Variants in SESTD1 observed in about 807,000 individuals in gnomAD.
SESTD1 encodes SEC14 and spectrin domain containing 1.
Under a neutral mutation model 101.7 loss-of-function variants are expected in SESTD1, and 43 were observed. The ratio of observed to expected loss-of-function variants is 0.42; its 90% CI spans 0.33 to 0.55. SESTD1 has a LOEUF of 0.55. Among genes scored for constraint, SESTD1 ranks in the 20% least tolerant of loss-of-function variants. The pLI is 0.07. For synonymous variants in SESTD1, 283 were observed against 286.8 expected (o/e 0.99, Z 0.13); for missense variants, 647 against 815.1 (o/e 0.79, Z 2.51).
chr2:179,176,449 T>C lies in SESTD1; in HGVS notation c.254A>G (p.Gln85Arg). Residue 85 changes from glutamine (Q) to arginine (R), a missense_variant and splice_region_variant, in exon 4 of 18, where the codon CAG becomes CGG. Physicochemically the swap from Gln to Arg is conservative, Grantham distance 43 (BLOSUM62 1). Coordinates refer to ENST00000428443, the MANE Select transcript of SESTD1 (RefSeq NM_178123.5). ...NVVKTVVVML[Q>R]NVVPAEVSLV... Reference sequence around the variant, plus strand: ...CCTGATAGACAAAACCAAAATTACCTGTAGCATTACGACTACTGTTTTCAC... The same window carrying C: ...CCTGATAGACAAAACCAAAATTACCCGTAGCATTACGACTACTGTTTTCAC... 1 of 1,612,342 alleles carries C rather than the reference T, an allele frequency of 6.2e-7. No individual in the cohort carries two copies. Among genetic ancestry groups the C allele is most frequent in the Non-Finnish European group, 8.5e-7 (1 of 1,179,016 alleles).
chr2:179,134,338 T>C (rs1214123319), intron 9 of SESTD1, among the ~76,000 whole-genome samples: 1 of 152,226 alleles, frequency 6.6e-6, no homozygotes, highest in Non-Finnish European at 1.5e-5. Context: ...GCTATTGTTA[T>C]TATAACATAA....
intron 5 of SESTD1, among the ~76,000 whole-genome samples, chr2:179,153,327 G>C (rs2045564808): frequency 6.6e-6 from 1 of 152,118 alleles, no homozygotes; most frequent in African/African-American, 2.4e-5. Flanking sequence ...GAGTGAGATG[G>C]GATATTATAA....
At chr2:179,138,870 C>CAAAAAAAAAAAAAA (rs61703699) in intron 9 of SESTD1, among the ~76,000 whole-genome samples, 1 of 65,538 alleles carries the variant, frequency 1.5e-5, no homozygotes, top group African/African-American at 4.4e-5. Flanking sequence ...AACCCTGTCT[C>CAAAAAAAAAAAAAA]AAAAAAAAAA....
At chr2:179,119,066 T>C (rs1191700294) in intron 13 of SESTD1, among the ~76,000 whole-genome samples, 1 of 152,202 alleles carries the variant, frequency 6.6e-6, no homozygotes, top group Non-Finnish European at 1.5e-5. Flanking sequence ...GATAAAATTA[T>C]GCAAGAATTG....
Position 179,103,240 on chromosome 2 carries a change from T to C in SESTD1, c.*6659A>G, listed in dbSNP as rs1316963214. The C allele has an allele frequency of 6.6e-6, 1 of 152,138 alleles. No individual in the cohort carries two copies. The highest frequency in any genetic ancestry group is 2.4e-5 in the African/African-American group (1 of 41,438). 9.4% of individuals were successfully genotyped at this position (152,138 alleles called of 1,614,324 possible). On this transcript the variant is annotated 3_prime_UTR_variant, in exon 18 of 18. Coordinates refer to ENST00000428443, the MANE Select transcript of SESTD1 (RefSeq NM_178123.5). ...TTTGCTTTCCTCAGATAGTTCCAAT[T>C]GTCATCCTTGACCATGAACAATGCC...
intron 2 of SESTD1, among the ~76,000 whole-genome samples, chr2:179,185,677 C>CATATTATATATAATATAGT (rs1231020815): frequency 2.0e-5 from 1 of 49,700 alleles, no homozygotes; most frequent in Non-Finnish European, 5.0e-5. Flanking sequence ...TATAATATAG[C>CATATTATATATAATATAGT]ATATTATATA....
intron 3 of SESTD1, among the ~76,000 whole-genome samples, chr2:179,178,827 C>A (rs536552099): frequency 5.0e-4 from 76 of 152,312 alleles, no homozygotes; most frequent in Non-Finnish European, 8.7e-4. Flanking sequence ...GCAGGTTACA[C>A]AACCGTTTTG....
intron 10 of SESTD1, among the ~76,000 whole-genome samples, chr2:179,130,410 C>T (rs962185266): frequency 6.6e-6 from 1 of 151,976 alleles, no homozygotes; most frequent in Non-Finnish European, 1.5e-5. Context: ...CACCCTTAAG[C>T]GATGTTTCTT....
intron 12 of SESTD1, among the ~76,000 whole-genome samples, chr2:179,122,368 T>C (rs1219938901): frequency 6.6e-6 from 1 of 152,188 alleles, no homozygotes; most frequent in African/African-American, 2.4e-5. Context: ...ACTCCAGCAA[T>C]GTATCATCAA....
chr2:179,150,112 C>A lies in SESTD1; in HGVS notation c.484-718G>T, dbSNP rs530049736. Among the ~76,000 whole-genome samples, 3 of 152,134 alleles carry A rather than the reference C, an allele frequency of 2.0e-5. No homozygotes were observed. In the South Asian group the frequency reaches 6.2e-4, roughly 32 times the overall value. ...TGGTGGCATGCACTTGCAGTCCCAA[C>A]GACTTGAGAGGCTGAGGTGGAAGGA... On this transcript the variant is annotated intron_variant, in intron 6 of 17. Transcript: ENST00000428443.
intron 13 of SESTD1, among the ~76,000 whole-genome samples, chr2:179,118,333 T>G (rs2044678668): frequency 6.6e-6 from 1 of 152,208 alleles, no homozygotes; most frequent in Non-Finnish European, 1.5e-5. Flanking sequence ...TGTGGTCTTT[T>G]TGGATAATAT....
intron 1 of SESTD1, among the ~76,000 whole-genome samples, chr2:179,223,778 T>G (rs17363603): frequency 6.6e-6 from 1 of 152,158 alleles, no homozygotes; most frequent in South Asian, 2.1e-4. Flanking sequence ...TAAGCAGTAT[T>G]GTTGATAACA....
At chr2:179,192,165 T>C (rs1347019536) in intron 1 of SESTD1, among the ~76,000 whole-genome samples, 1 of 152,180 alleles carries the variant, frequency 6.6e-6, no homozygotes, top group East Asian at 1.9e-4. Flanking sequence ...TGAGAATCAC[T>C]GGCTTAATTC....
At chr2:179,112,118 C>T (rs920013571) in intron 17 of SESTD1, among the ~76,000 whole-genome samples, 1 of 152,162 alleles carries the variant, frequency 6.6e-6, no homozygotes. Context: ...ATAATCAGGA[C>T]CCCATTCCTT....
At position 179,105,633 on chromosome 2, in the gene SESTD1, A is replaced by G. The variant is rs1415680541; in HGVS notation, c.*4266T>C. ...CAACAGAAAGGATAAAGAATACTCT[A>G]TTTTTTATTCTGAAAAGATAATTAT... On this transcript the variant is annotated 3_prime_UTR_variant, in exon 18 of 18. Coordinates refer to ENST00000428443, the MANE Select transcript of SESTD1 (RefSeq NM_178123.5). The G allele has an allele frequency of 6.6e-6, 1 of 152,136 alleles. No individual in the cohort carries two copies. Among genetic ancestry groups the G allele is most frequent in the Non-Finnish European group, 1.5e-5 (1 of 68,018 alleles). The allele number at this position is 152,136 out of a possible 1,614,324, so 9.4% of individuals were successfully genotyped here. A position where few individuals can be genotyped will look rare whatever the true frequency, so the allele number is the denominator to read the frequency against.
intron 1 of SESTD1, among the ~76,000 whole-genome samples, chr2:179,233,656 G>GT (rs2047017680): frequency 6.6e-6 from 1 of 152,194 alleles, no homozygotes; most frequent in Non-Finnish European, 1.5e-5. Context: ...GTTTCACCAT[G>GT]TTGGCCAGGC....
chr2:179,171,595 C>G (rs886143804), intron 5 of SESTD1, among the ~76,000 whole-genome samples: 1 of 152,164 alleles, frequency 6.6e-6, no homozygotes, highest in Non-Finnish European at 1.5e-5. Flanking sequence ...ATATGACAAA[C>G]TGCTTAGATT....
At chr2:179,183,018 A>C in intron 3 of SESTD1, 62 bp downstream of exon 3, 1 of 1,126,346 alleles carries the variant, frequency 8.9e-7, no homozygotes, top group Non-Finnish European at 1.3e-6. Flanking sequence ...AACAATAGAA[A>C]GAATCATTAG....
chr2:179,180,875 T>C (rs2046095663), intron 3 of SESTD1, among the ~76,000 whole-genome samples: 1 of 152,172 alleles, frequency 6.6e-6, no homozygotes, highest in Non-Finnish European at 1.5e-5. Flanking sequence ...CTGACAGCCA[T>C]GTTTGTTAAT....
Sources: gnomAD v4.1 joint callset for allele counts (sites outside exome capture counted in the v4.1 genomes callset) on GRCh38, gnomAD v4.1.1 for gene constraint, MANE v1.5 for transcripts, NCBI Gene and HGNC (gene_info 2026-07-23, HGNC 2026-07-21) for gene names.